GLDC: variants seen among roughly 807,000 people sequenced by gnomAD.
GLDC encodes glycine decarboxylase.
In GLDC, 104 loss-of-function variants were observed where a neutral mutation model predicts 121.3. That is an observed-to-expected ratio of 0.86 (90% CI 0.73 to 1.01). The LOEUF (loss-of-function observed/expected upper bound fraction) is 1.01, where lower values mean the gene tolerates loss of function less well. Ranked by LOEUF, GLDC falls within the 50% of genes least tolerant of loss-of-function variation. The pLI, the probability that GLDC is intolerant of heterozygous loss-of-function variation, is 0.00. For synonymous variants in GLDC, 546 were observed against 480.6 expected (o/e 1.14, Z -1.78); for missense variants, 1,429 against 1,306.6 (o/e 1.09, Z -1.44).
chr9:6,565,831 T>C (rs1307171366), intron 15 of GLDC: 6 of 401,694 alleles, frequency 1.5e-5, no homozygotes, highest in East Asian at 9.5e-5. Context: ...TGTTTCCTAT[T>C]ATATTTCTCA....
intron 15 of GLDC, among the ~76,000 whole-genome samples, chr9:6,581,353 T>A (rs1818167718): frequency 6.6e-6 from 1 of 152,202 alleles, no homozygotes; most frequent in Non-Finnish European, 1.5e-5. Flanking sequence ...TTTTCCAGCT[T>A]TCCTCACTTC....
At chr9:6,573,631 G>C (rs1818008004) in intron 15 of GLDC, among the ~76,000 whole-genome samples, 1 of 152,100 alleles carries the variant, frequency 6.6e-6, no homozygotes, top group African/African-American at 2.4e-5. Flanking sequence ...ATACGTAAGG[G>C]TTTGGTGTTG....
chr9:6,557,698 C>G (rs1817664279), intron 17 of GLDC: 1 of 151,538 alleles, frequency 6.6e-6, no homozygotes. Flanking sequence ...TTATTCTTTC[C>G]TTTTACAGAA....
intron 2 of GLDC, among the ~76,000 whole-genome samples, chr9:6,631,435 G>C (rs1317775933): frequency 6.6e-6 from 1 of 152,218 alleles, no homozygotes; most frequent in East Asian, 1.9e-4. Context: ...AGTGGGACAA[G>C]GGATGATATG....
At chr9:6,571,379 A>G (rs1021194586) in intron 15 of GLDC, among the ~76,000 whole-genome samples, 6 of 152,204 alleles carry the variant, frequency 3.9e-5, no homozygotes, top group Admixed American at 2.0e-4. Context: ...AGGCACAGTT[A>G]CAGATTAACA....
chr9:6,554,807 C>T, intron 18 of GLDC, 26 bp from the exon 19 acceptor site: 1 of 1,574,232 alleles, frequency 6.4e-7, no homozygotes, highest in African/African-American at 1.3e-5. Flanking sequence ...GGGCCAAAAG[C>T]AAAAGTCAAG....
intron 2 of GLDC, among the ~76,000 whole-genome samples, chr9:6,643,978 G>A (rs1400168677): frequency 8.4e-6 from 1 of 119,704 alleles, no homozygotes; most frequent in African/African-American, 3.3e-5. Flanking sequence ...AGGTTGCAGT[G>A]AGCCGAGATC....
At chr9:6,601,070 G>C (rs560263096) in intron 8 of GLDC, among the ~76,000 whole-genome samples, 122 of 152,340 alleles carry the variant, frequency 8.0e-4, no homozygotes, top group Middle Eastern at 3.4e-3. Context: ...TTACTCAGGA[G>C]GCTGAGGCAG....
chr9:6,626,271 G>A (rs1819235076), intron 2 of GLDC, among the ~76,000 whole-genome samples: 5 of 152,200 alleles, frequency 3.3e-5, no homozygotes, highest in Admixed American at 3.3e-4. Flanking sequence ...CCCAAAGGAA[G>A]GAGAAGGCTA....
At chr9:6,604,560 A>T in intron 7 of GLDC, 28 bp downstream of exon 7, 1 of 1,569,478 alleles carries the variant, frequency 6.4e-7, no homozygotes, top group Non-Finnish European at 8.8e-7. Context: ...TAATCACAAT[A>T]AAAGTAGAGA....
intron 2 of GLDC, among the ~76,000 whole-genome samples, chr9:6,625,791 G>T (rs766915242): frequency 2.0e-5 from 3 of 151,932 alleles, no homozygotes; most frequent in Non-Finnish European, 4.4e-5. Context: ...GGAAAGGTGG[G>T]GTTAACGTTT....
Position 6,639,224 on chromosome 9 carries a change from G to A in GLDC, c.334+5390C>T. ...ATGCTTTAAAGGCCAAGAAGGCAGT[G>A]TTGAAAGGTGTCCACAGCCACAAAA... is the stretch of plus-strand genomic sequence containing the variant. On this transcript the variant is annotated intron_variant, in intron 2 of 24. Coordinates refer to ENST00000321612, the MANE Select transcript of GLDC (RefSeq NM_000170.3). The A allele has an allele frequency of 7.7e-6, 7 of 906,342 alleles. 1 individual carries two copies. The highest frequency in any genetic ancestry group is 6.5e-5 in the South Asian group (5 of 77,108). 56.1% of individuals were successfully genotyped at this position (906,342 alleles called of 1,614,324 possible).
intron 3 of GLDC, among the ~76,000 whole-genome samples, chr9:6,613,603 T>C (rs912696425): frequency 2.0e-5 from 3 of 152,230 alleles, no homozygotes; most frequent in Non-Finnish European, 4.4e-5. Flanking sequence ...ATGAAATAAA[T>C]TATTTAAGTT....
chr9:6,577,473 G>A (rs1480593387), intron 15 of GLDC, among the ~76,000 whole-genome samples: 1 of 152,204 alleles, frequency 6.6e-6, no homozygotes, highest in Admixed American at 6.5e-5. Context: ...AGGTGCAAAT[G>A]AGCCTATAAC....
At chr9:6,597,985 G>C (rs1818524738) in intron 8 of GLDC, among the ~76,000 whole-genome samples, 1 of 152,074 alleles carries the variant, frequency 6.6e-6, no homozygotes, top group Non-Finnish European at 1.5e-5. Context: ...TGAAAATTCA[G>C]ACATCTGTAG....
intron 8 of GLDC, among the ~76,000 whole-genome samples, chr9:6,599,142 C>T (rs138792730): frequency 1.3e-5 from 2 of 151,522 alleles, no homozygotes; most frequent in Non-Finnish European, 2.9e-5. Context: ...CGACATCACG[C>T]CATTGCACTC....
intron 15 of GLDC, among the ~76,000 whole-genome samples, chr9:6,574,409 G>A (rs1304477661): frequency 2.0e-5 from 3 of 151,390 alleles, no homozygotes; most frequent in Non-Finnish European, 2.9e-5. Flanking sequence ...GGAGGTTGCA[G>A]TGAGCTGAGA....
chr9:6,556,253 G>A lies in GLDC; in HGVS notation c.2102C>T (p.Ser701Phe), dbSNP rs757004829. 2 of 1,610,888 alleles carry A rather than the reference G, an allele frequency of 1.2e-6. No homozygotes were observed. The highest frequency in any genetic ancestry group is 1.3e-5 in the African/African-American group (1 of 74,984). ...NLAAIMITYP[S>F]TNGVFEENIS... The stretch of plus-strand genomic sequence containing the variant: ...GTTCTCTTCAAACACCCCATTGGTG[G>A]ATGGGTATGTAATCATGATAGCTGC... Residue 701 changes from serine (S) to phenylalanine (F), a missense_variant, in exon 18 of 25, where the codon TCC (serine) becomes TTC (phenylalanine). Physicochemically the swap from Ser to Phe is radical, Grantham distance 155 (BLOSUM62 -2). Coordinates refer to ENST00000321612, the MANE Select transcript of GLDC (RefSeq NM_000170.3).
chr9:6,638,411 C>T (rs752528926), intron 2 of GLDC, among the ~76,000 whole-genome samples: 1 of 152,018 alleles, frequency 6.6e-6, no homozygotes, highest in Non-Finnish European at 1.5e-5. Flanking sequence ...GACGGGGATT[C>T]ACCATGTTGG....
Sources: gnomAD v4.1 joint callset for allele counts (sites outside exome capture counted in the v4.1 genomes callset) on GRCh38, gnomAD v4.1.1 for gene constraint, MANE v1.5 for transcripts, NCBI Gene and HGNC (gene_info 2026-07-23, HGNC 2026-07-21) for gene names.